SRI: variants seen among roughly 807,000 people sequenced by gnomAD.
SRI encodes 22 kDa protein.
Under a neutral mutation model 33.3 loss-of-function variants are expected in SRI, and 30 were observed. That is an observed-to-expected ratio of 0.90 (90% confidence interval 0.67 to 1.22). The LOEUF (loss-of-function observed/expected upper bound fraction) is 1.22. SRI is among the 50% of genes most tolerant of loss of function. The probability of loss-of-function intolerance (pLI) is 0.00; values close to 1 mark genes in which losing one functional copy is unlikely to be tolerated. For synonymous variants in SRI, 75 were observed against 89.9 expected (o/e 0.83, Z 0.94); for missense variants, 243 against 250.8 (o/e 0.97, Z 0.21).
rs747994115 is a variant in SRI, at chr7:88,220,033, G to C, written c.-7C>G. 211 of 1,526,606 alleles carry C rather than the reference G, an allele frequency of 1.4e-4. 2 individuals are homozygous for C. In the Admixed American group the frequency reaches 2.0e-3, roughly 14 times the overall value. The allele number at this position is 1,526,606 out of a possible 1,614,324, so 94.6% of individuals were successfully genotyped here. ...GATGCCCCGGGTACGCCATGCTGCA[G>C]ACTGCGCCGCAGCCGCCCTCGCCCT... On this transcript the variant is annotated 5_prime_UTR_variant, in exon 1 of 8. Coordinates refer to ENST00000265729, the MANE Select transcript of SRI (RefSeq NM_003130.4).
intron 1 of SRI, 49 bp downstream of exon 1, chr7:88,219,927 T>C: frequency 6.5e-7 from 1 of 1,533,674 alleles, no homozygotes; most frequent in Non-Finnish European, 8.8e-7. Context: ...GGTGGCCTCT[T>C]AGCGCCCCGG....
intron 1 of SRI, 28 bp downstream of exon 1, chr7:88,219,948 G>T: frequency 6.5e-7 from 1 of 1,538,258 alleles, no homozygotes; most frequent in Non-Finnish European, 8.7e-7. Flanking sequence ...AGCCGCCTGG[G>T]CCGCGATCCC....
In SRI at chr7:88,210,872, T is replaced by G; in HGVS notation, c.249+10A>C. On this transcript the variant is annotated intron_variant, in intron 4 of 7. Coordinates refer to ENST00000265729, the MANE Select transcript of SRI (RefSeq NM_003130.4). ...AAATTATTCTAGACAACAATCAAAG[T>G]AAAGGATACATCCAGCATTGAAACC... 1 of 1,612,570 alleles carries G rather than the reference T, an allele frequency of 6.2e-7. No homozygotes were observed. The highest frequency in any genetic ancestry group is 8.5e-7 in the Non-Finnish European group (1 of 1,179,186).
At chr7:88,207,235 C>T (rs932159271) in intron 7 of SRI, among the ~76,000 whole-genome samples, 2 of 152,192 alleles carry the variant, frequency 1.3e-5, no homozygotes, top group African/African-American at 4.8e-5. Flanking sequence ...GTAGCCCCAT[C>T]TGAAGTCAAA....
upstream of SRI, among the ~76,000 whole-genome samples, chr7:88,223,253 C>A (rs982175268): frequency 3.3e-5 from 5 of 152,042 alleles, no homozygotes; most frequent in Admixed American, 3.3e-4. Flanking sequence ...TAAAAATATG[C>A]CAGATCCTCA....
At chr7:88,219,884 A>G (rs1851841443) in intron 1 of SRI, 92 bp downstream of exon 1, 5 of 1,446,168 alleles carry the variant, frequency 3.5e-6, no homozygotes, top group Admixed American at 2.1e-5. Flanking sequence ...GCCGCCCAGC[A>G]GCGCCTCACC....
intron 5 of SRI, among the ~76,000 whole-genome samples, 158 bp from the exon 6 acceptor site, chr7:88,209,610 A>ATTAT (rs1318947772): frequency 2.6e-4 from 39 of 152,086 alleles, no homozygotes; most frequent in South Asian, 8.3e-4. Context: ...TCAGGTAGCA[A>ATTAT]TTATTTATTT....
chr7:88,206,793 A>G (rs1851447469), intron 7 of SRI, among the ~76,000 whole-genome samples: 1 of 152,182 alleles, frequency 6.6e-6, no homozygotes, highest in African/African-American at 2.4e-5. Context: ...ATTCCAAATA[A>G]TATCCAAGAC....
At position 88,205,209 on chromosome 7, in the gene SRI, C is replaced by T. The variant is rs763693044; in HGVS notation, c.*1269G>A. ...TGCATCCTAAAATAAGACAGATACT[C>T]TGCTGGCAAGTAGAAAATAGACTAA... On this transcript the variant is annotated 3_prime_UTR_variant, in exon 8 of 8. Coordinates refer to ENST00000265729, the MANE Select transcript of SRI (RefSeq NM_003130.4). 9.9e-5 allele frequency: 15 copies of T among 152,188 alleles called. No homozygotes were observed. Among genetic ancestry groups the T allele is most frequent in the Non-Finnish European group, 2.1e-4 (14 of 68,034 alleles). 9.4% of individuals were successfully genotyped at this position (152,188 alleles called of 1,614,324 possible).
chr7:88,212,229 G>C (rs1586714798), intron 3 of SRI, among the ~76,000 whole-genome samples: 1 of 152,136 alleles, frequency 6.6e-6, no homozygotes, highest in East Asian at 1.9e-4. Context: ...TCCTGTGTTT[G>C]GCATATGCTT....
upstream of SRI, chr7:88,220,087 C>CGCCCCGCCCT: frequency 6.9e-7 from 1 of 1,459,268 alleles, no homozygotes; most frequent in Non-Finnish European, 9.0e-7. Context: ...CCCCCTGCCC[C>CGCCCCGCCCT]GCCCCGCCCT....
upstream of SRI, chr7:88,220,172 C>T: frequency 7.6e-7 from 1 of 1,319,258 alleles, no homozygotes; most frequent in Non-Finnish European, 9.6e-7. Flanking sequence ...CAGCTCTTGC[C>T]TGTGCGCGCG....
At chr7:88,219,025 G>T in intron 1 of SRI, 83 bp from the exon 2 acceptor site, 1 of 1,242,692 alleles carries the variant, frequency 8.0e-7, no homozygotes, top group Non-Finnish European at 1.2e-6. Context: ...TGCAAGGCCA[G>T]ACAACTGCCC....
At chr7:88,207,635 A>C (rs1185047319) in intron 7 of SRI, 1 of 152,222 alleles carries the variant, frequency 6.6e-6, no homozygotes, top group Admixed American at 6.5e-5. Flanking sequence ...GGTTATGTTC[A>C]CACTGATTAC....
intron 6 of SRI, chr7:88,209,136 G>C: frequency 2.4e-6 from 1 of 417,316 alleles, no homozygotes; most frequent in Non-Finnish European, 4.3e-6. Flanking sequence ...TTATTTTAAT[G>C]GCAGATTACT....
upstream of SRI, among the ~76,000 whole-genome samples, chr7:88,222,043 A>G (rs1851900003): frequency 7.4e-6 from 1 of 135,972 alleles, no homozygotes; most frequent in Non-Finnish European, 1.6e-5. Flanking sequence ...GCTGCATAGT[A>G]TTCCATGGTG....
chr7:88,219,174 T>A (rs980470965), intron 1 of SRI: 14 of 540,844 alleles, frequency 2.6e-5, no homozygotes, highest in Non-Finnish European at 4.7e-5. Flanking sequence ...AAGTGATGTC[T>A]ACATATGTAA....
intron 2 of SRI, among the ~76,000 whole-genome samples, chr7:88,218,360 T>A (rs1317060354): frequency 6.6e-6 from 1 of 152,194 alleles, no homozygotes; most frequent in African/African-American, 2.4e-5. Flanking sequence ...AGTAACAGCA[T>A]CTGCATCAAA....
chr7:88,209,879 G>A, intron 5 of SRI, 104 bp downstream of exon 5: 1 of 1,488,290 alleles, frequency 6.7e-7, no homozygotes, highest in South Asian at 1.1e-5. Context: ...GCCTCCCAAA[G>A]TGCTGGGATT....
Sources: gnomAD v4.1 joint callset for allele counts (sites outside exome capture counted in the v4.1 genomes callset) on GRCh38, gnomAD v4.1.1 for gene constraint, MANE v1.5 for transcripts, NCBI Gene and HGNC (gene_info 2026-07-23, HGNC 2026-07-21) for gene names.